The following NPHP4 variants were observed in gnomAD, a reference collection of about 807,000 sequenced individuals.
The protein encoded by NPHP4 is nephrocystin-4.
In NPHP4, 151 loss-of-function variants were observed where a neutral mutation model predicts 155.8. The observed-to-expected ratio is 0.97, with a 90% CI of 0.85 to 1.11. The LOEUF is 1.11. Ranked by LOEUF, NPHP4 falls within the 50% of genes least tolerant of loss-of-function variation. NPHP4 has a pLI of 0.00. For synonymous variants in NPHP4, 845 were observed against 816.8 expected, an observed-to-expected ratio of 1.03 and a Z score of -0.59; for missense variants, 1,956 against 1,925.7, an observed-to-expected ratio of 1.02 and a Z score of -0.29.
At position 5,952,255 on chromosome 1, in the gene NPHP4, C is replaced by T. The variant is rs572220060; in HGVS notation, c.810+445G>A. On this transcript the variant is annotated intron_variant, in intron 7 of 29. Transcript: ENST00000378156. ...CCTCCGGAAACGAGCCCCATGTCCCCGCCGACGTCCTCTGAACATGGGAAG... is the reference window on the plus strand; with the variant it reads ...CCTCCGGAAACGAGCCCCATGTCCCTGCCGACGTCCTCTGAACATGGGAAG... Among the ~76,000 whole-genome samples, 3 of 152,320 alleles carry T rather than the reference C, an allele frequency of 2.0e-5. No homozygotes were observed. In the South Asian group the frequency reaches 6.2e-4, roughly 32 times the overall value.
In NPHP4 at chr1:5,964,935, A is replaced by ATTTTTTTTTTT. The variant is rs1476774217; in HGVS notation, c.517+2363_517+2364insAAAAAAAAAAA. Among the ~76,000 whole-genome samples, 211 of 31,904 alleles carry ATTTTTTTTTTT rather than the reference A, an allele frequency of 6.6e-3. 3 individuals are homozygous for ATTTTTTTTTTT. The highest frequency in any genetic ancestry group is 0.011 in the East Asian group (16 of 1,466). The allele number at this position is 31,904 out of a possible 152,430, so 20.9% of individuals were successfully genotyped here. A position where few individuals can be genotyped will look rare whatever the true frequency, so the allele number is the denominator to read the frequency against. The stretch of plus-strand genomic sequence containing the variant: ...ATATATATTATATATATATATATAT[A>ATTTTTTTTTTT]TATATATTTTTTTTTTTTGAGGCAG... On this transcript the variant is annotated intron_variant, in intron 5 of 29. Coordinates refer to ENST00000378156, the MANE Select transcript of NPHP4 (RefSeq NM_015102.5).
chr1:5,945,014 C>T (rs997690078), intron 9 of NPHP4, among the ~76,000 whole-genome samples: 12 of 152,180 alleles, frequency 7.9e-5, no homozygotes, highest in Non-Finnish European at 1.6e-4. Context: ...CGCACCCGCA[C>T]CCCAGACGCC....
At chr1:5,949,277 A>G (rs911382387) in intron 7 of NPHP4, among the ~76,000 whole-genome samples, 3 of 151,576 alleles carry the variant, frequency 2.0e-5, no homozygotes, top group Non-Finnish European at 4.4e-5. Flanking sequence ...ACATAAGACC[A>G]TATTATGTAG....
intron 1 of NPHP4, among the ~76,000 whole-genome samples, chr1:5,988,998 C>T (rs709207): frequency 0.19 from 28,837 of 152,168 alleles, 2,692 homozygotes; most frequent in Middle Eastern, 0.26. Context: ...ATTTTTGTCG[C>T]TCAACTTCCC....
Position 5,864,449 on chromosome 1 carries a change from G to T in NPHP4, c.3885C>A (p.Pro1295=), listed in dbSNP as rs548608151. 1.2e-6 allele frequency: 2 copies of T among 1,606,534 alleles called. No individual in the cohort carries two copies. The highest frequency in any genetic ancestry group is 2.2e-5 in the South Asian group (2 of 89,738). Residue 1295 remains proline (P), a synonymous_variant, in exon 28 of 30, where the codon CCC becomes CCA. Transcript: ENST00000378156. ...GVQDLHVGVR[P]LRAGSRFVHL... is the part of the protein sequence containing the mutation. ...GGACAAAGCGGCTGCCGGCCCTAAG[G>T]GGCCTCACGCCAACATGCAGGTCCT...
chr1:5,961,405 T>C (rs1650289897), intron 6 of NPHP4, among the ~76,000 whole-genome samples: 1 of 152,220 alleles, frequency 6.6e-6, no homozygotes, highest in Non-Finnish European at 1.5e-5. Context: ...CGGTCAATTT[T>C]ATGTTATCCT....
intron 1 of NPHP4, among the ~76,000 whole-genome samples, chr1:5,991,871 G>A (rs1346430129): frequency 1.4e-5 from 2 of 142,250 alleles, no homozygotes; most frequent in Non-Finnish European, 3.1e-5. Context: ...GGGAGCCAAG[G>A]CCCAGAACAT....
chr1:5,928,780 A>G (rs1646138281), intron 10 of NPHP4, among the ~76,000 whole-genome samples: 1 of 152,126 alleles, frequency 6.6e-6, no homozygotes, highest in South Asian at 2.1e-4. Flanking sequence ...TTTCCATATA[A>G]ATTTCAGAAT....
At chr1:5,961,696 C>T (rs1169787903) in intron 6 of NPHP4, 98 bp downstream of exon 6, 7 of 1,208,838 alleles carry the variant, frequency 5.8e-6, no homozygotes, top group Non-Finnish European at 8.3e-6. Flanking sequence ...GGGCGCTCGG[C>T]CCACGCTGCC....
chr1:5,879,800 C>T (rs1031709986), intron 19 of NPHP4, among the ~76,000 whole-genome samples: 11 of 128,816 alleles, frequency 8.5e-5, no homozygotes, highest in Non-Finnish European at 1.5e-4. Flanking sequence ...CACACGCAAA[C>T]ACACACACAC....
chr1:5,957,513 G>A (rs1231245897), intron 6 of NPHP4, among the ~76,000 whole-genome samples: 1 of 152,198 alleles, frequency 6.6e-6, no homozygotes, highest in Non-Finnish European at 1.5e-5. Flanking sequence ...CAAGACCGCT[G>A]CAACAGTGGG....
chr1:5,929,220 CAT>C (rs1646158182), intron 10 of NPHP4, among the ~76,000 whole-genome samples: 1 of 152,202 alleles, frequency 6.6e-6, no homozygotes, highest in African/African-American at 2.4e-5. Flanking sequence ...GAATCTTTGG[CAT>C]AGACAATCAC....
chr1:5,873,835 C>A, intron 22 of NPHP4: 1 of 247,444 alleles, frequency 4.0e-6, no homozygotes, highest in Non-Finnish European at 7.9e-6. Context: ...TCACATACTC[C>A]CTGCACACAC....
chr1:5,962,170 T>TTTTG (rs899964019), intron 5 of NPHP4, among the ~76,000 whole-genome samples: 7 of 152,290 alleles, frequency 4.6e-5, no homozygotes, highest in South Asian at 2.1e-4. Context: ...AATTTTTCTT[T>TTTTG]TTTGTTTGTT....
At chr1:5,981,111 C>G (rs538487608) in intron 2 of NPHP4, among the ~76,000 whole-genome samples, 1 of 152,200 alleles carries the variant, frequency 6.6e-6, no homozygotes, top group Non-Finnish European at 1.5e-5. Context: ...AGCTTCTGCA[C>G]GTGCCCCTCC....
chr1:5,986,362 G>A (rs1219120505), intron 1 of NPHP4, 35 bp from the exon 2 acceptor site: 3 of 1,552,448 alleles, frequency 1.9e-6, no homozygotes, highest in Non-Finnish European at 2.6e-6. Flanking sequence ...GAGAAGAGCT[G>A]TGAGGGCTAC....
chr1:5,900,884 A>G (rs1644643216), intron 16 of NPHP4, among the ~76,000 whole-genome samples: 2 of 152,060 alleles, frequency 1.3e-5, no homozygotes, highest in Non-Finnish European at 2.9e-5. Context: ...TACAAAAAAA[A>G]TATTAGTTGG....
At chr1:5,866,185 AAGGTGCCTTCCCT>A in intron 26 of NPHP4, 175 bp downstream of exon 26, 1 of 619,836 alleles carries the variant, frequency 1.6e-6, no homozygotes, top group Non-Finnish European at 2.9e-6. Context: ...GTGCCCCTCC[AAGGTGCCTTCCCT>A]AGACCCCTGC....
At chr1:5,954,170 G>A (rs537589870) in intron 6 of NPHP4, among the ~76,000 whole-genome samples, 2 of 152,246 alleles carry the variant, frequency 1.3e-5, no homozygotes, top group Non-Finnish European at 2.9e-5. Flanking sequence ...AGATTTATGT[G>A]CAAGAATATT....
Sources: allele counts gnomAD v4.1 joint callset (sites outside exome capture counted in the v4.1 genomes callset), GRCh38; gene constraint gnomAD v4.1.1; transcripts MANE v1.5; gene names NCBI Gene and HGNC (gene_info 2026-07-23, HGNC 2026-07-21).